DNAJC6: variants seen among roughly 807,000 people sequenced by gnomAD.
DNAJC6 encodes the protein auxilin.
In DNAJC6, 34 loss-of-function variants were observed where a neutral mutation model predicts 110.0. The observed-to-expected ratio is 0.31, with a 90% CI of 0.24 to 0.41. The LOEUF is 0.41. DNAJC6 is among the 10% of genes least tolerant of loss of function. DNAJC6 has a pLI of 1.00. For missense variants in DNAJC6, 1,031 were observed against 1,207.8 expected, an observed-to-expected ratio of 0.85 and a Z score of 2.17; for synonymous variants, 406 against 437.2, an observed-to-expected ratio of 0.93 and a Z score of 0.89.
intron 2 of DNAJC6, 102 bp downstream of exon 2, chr1:65,364,887 A>T: frequency 7.0e-7 from 1 of 1,438,512 alleles, no homozygotes. Flanking sequence ...CAATTTTGGG[A>T]TATAATTTTA....
chr1:65,404,576 A>G (rs1646057968), intron 15 of DNAJC6, among the ~76,000 whole-genome samples: 1 of 152,226 alleles, frequency 6.6e-6, no homozygotes, highest in Admixed American at 6.5e-5. Context: ...GAACGAATGC[A>G]AGAATGAATG....
intron 1 of DNAJC6, among the ~76,000 whole-genome samples, chr1:65,330,541 T>C (rs1336672115): frequency 6.6e-6 from 1 of 152,168 alleles, no homozygotes; most frequent in Non-Finnish European, 1.5e-5. Context: ...CAATTTCGGC[T>C]CACCGCAAGC....
At chr1:65,320,669 A>G (rs1367489864) in intron 1 of DNAJC6, among the ~76,000 whole-genome samples, 1 of 152,222 alleles carries the variant, frequency 6.6e-6, no homozygotes, top group Non-Finnish European at 1.5e-5. Context: ...GATACAGTAG[A>G]CGATAAGATA....
At chr1:65,295,435 T>C (rs994516804) in intron 1 of DNAJC6, among the ~76,000 whole-genome samples, 3 of 152,142 alleles carry the variant, frequency 2.0e-5, no homozygotes, top group Non-Finnish European at 4.4e-5. Context: ...AAAAGTCCTG[T>C]GAAAAAGCCA....
At chr1:65,352,200 G>A (rs1252475259) in intron 1 of DNAJC6, among the ~76,000 whole-genome samples, 1 of 152,186 alleles carries the variant, frequency 6.6e-6, no homozygotes, top group Non-Finnish European at 1.5e-5. Flanking sequence ...TTGAGGCATA[G>A]GGATACATTG....
intron 1 of DNAJC6, among the ~76,000 whole-genome samples, chr1:65,299,587 A>G (rs142136537): frequency 4.6e-5 from 7 of 152,210 alleles, no homozygotes; most frequent in Admixed American, 1.3e-4. Context: ...AACCCTCACT[A>G]TATGCCAGGC....
chr1:65,411,200 T>C (rs774429149), intron 17 of DNAJC6, 50 bp from the exon 18 acceptor site: 6 of 1,571,660 alleles, frequency 3.8e-6, no homozygotes, highest in Non-Finnish European at 5.2e-6. Flanking sequence ...GGAAACCTTC[T>C]GAACTAGTAA....
At chr1:65,283,940 C>T (rs1379193736) in intron 1 of DNAJC6, among the ~76,000 whole-genome samples, 1 of 152,134 alleles carries the variant, frequency 6.6e-6, no homozygotes. Context: ...CTCTCAGTGG[C>T]CTGGTCTGTG....
chr1:65,398,698 G>A (rs1282899428), intron 13 of DNAJC6, 115 bp from the exon 14 acceptor site: 1 of 967,058 alleles, frequency 1.0e-6, no homozygotes, highest in Non-Finnish European at 1.6e-6. Context: ...GATATCTTGG[G>A]ATCTTGCTGG....
chr1:65,386,776 C>T (rs1336729867), intron 7 of DNAJC6, 36 bp from the exon 8 acceptor site: 3 of 1,544,838 alleles, frequency 1.9e-6, no homozygotes, highest in East Asian at 4.5e-5. Context: ...CCAGATTGGA[C>T]TCTCTTTCAA....
intron 11 of DNAJC6, among the ~76,000 whole-genome samples, chr1:65,391,551 C>T (rs1570364659): frequency 6.6e-6 from 1 of 152,166 alleles, no homozygotes; most frequent in South Asian, 2.1e-4. Flanking sequence ...ACTTCTGCTC[C>T]AGACTGTTAG....
At chr1:65,301,731 C>T (rs1428272994) in intron 1 of DNAJC6, among the ~76,000 whole-genome samples, 3 of 152,082 alleles carry the variant, frequency 2.0e-5, no homozygotes, top group Non-Finnish European at 4.4e-5. Context: ...TCCTCTTGGG[C>T]CTTGTATGAA....
intron 1 of DNAJC6, among the ~76,000 whole-genome samples, chr1:65,302,481 G>T (rs1485453720): frequency 1.3e-5 from 2 of 148,334 alleles, no homozygotes; most frequent in Non-Finnish European, 3.0e-5. Flanking sequence ...TTGATTAAAG[G>T]GAGTTTGCCT....
In DNAJC6 at chr1:65,290,596, G is replaced by A. The variant is rs577337925; in HGVS notation, c.-131+25664G>A. ...AATAACTTTTCCACAAACTATCTATGTGATCTTCGGCAAGGCAGTTAGCAT... is the reference window on the plus strand; with the variant it reads ...AATAACTTTTCCACAAACTATCTATATGATCTTCGGCAAGGCAGTTAGCAT... On this transcript the variant is annotated intron_variant, in intron 1 of 19. Transcript: ENST00000263441. 1.8e-4 allele frequency among the ~76,000 whole-genome samples: 28 copies of A among 152,190 alleles called. No homozygotes were observed. The East Asian group carries it at 5.4e-3, about 29-fold the overall frequency.
In DNAJC6 at chr1:65,299,602, T is replaced by C. The variant is rs1051138991; in HGVS notation, c.-131+34670T>C. Among the ~76,000 whole-genome samples the C allele has an allele frequency of 7.9e-5, 12 of 152,348 alleles. No homozygotes were observed. In the East Asian group the frequency reaches 2.3e-3, roughly 29 times the overall value. On this transcript the variant is annotated intron_variant, in intron 1 of 19. Coordinates refer to the DNAJC6 transcript ENST00000263441. ...AACCCTCACTATATGCCAGGCCTTA[T>C]GCTAAGCTCTTTATGTACTTTATGT... is the stretch of plus-strand genomic sequence containing the variant.
At chr1:65,300,058 A>G (rs934259758) in intron 1 of DNAJC6, among the ~76,000 whole-genome samples, 1 of 150,972 alleles carries the variant, frequency 6.6e-6, no homozygotes, top group Non-Finnish European at 1.5e-5. Flanking sequence ...AAAAAAAAAA[A>G]AAAAAGAAAA....
intron 1 of DNAJC6, among the ~76,000 whole-genome samples, chr1:65,266,177 T>G (rs945871408): frequency 7.9e-5 from 12 of 152,044 alleles, no homozygotes; most frequent in Admixed American, 6.5e-5. Context: ...GGGCTTGGCC[T>G]TCTCCAGTCC....
At chr1:65,278,552 C>A (rs939174502) in intron 1 of DNAJC6, among the ~76,000 whole-genome samples, 15 of 152,182 alleles carry the variant, frequency 9.9e-5, no homozygotes, top group African/African-American at 3.6e-4. Context: ...AATCTGGCTG[C>A]TGGTTTTTAA....
At chr1:65,405,467 T>G (rs1265630252) in intron 15 of DNAJC6, among the ~76,000 whole-genome samples, 1 of 152,206 alleles carries the variant, frequency 6.6e-6, no homozygotes, top group Non-Finnish European at 1.5e-5. Flanking sequence ...TTTTTAAATT[T>G]TATTCTAGTG....
Sources: gnomAD v4.1 joint callset for allele counts (sites outside exome capture counted in the v4.1 genomes callset) on GRCh38, gnomAD v4.1.1 for gene constraint, MANE v1.5 for transcripts, NCBI Gene and HGNC (gene_info 2026-07-23, HGNC 2026-07-21) for gene names.